SOHLH2: variants seen among roughly 807,000 people sequenced by gnomAD.
The protein encoded by SOHLH2 is spermatogenesis and oogenesis specific basic helix-loop-helix 2.
Under a neutral mutation model 50.4 loss-of-function variants are expected in SOHLH2, and 22 were observed. That is an observed-to-expected ratio of 0.44 (90% CI 0.31 to 0.62). The LOEUF (loss-of-function observed/expected upper bound fraction) is 0.62, where lower values mean the gene tolerates loss of function less well. SOHLH2 is among the 20% of genes least tolerant of loss of function. The pLI is 0.08. For missense variants in SOHLH2, 412 were observed against 504.4 expected (o/e 0.82, Z 1.76); for synonymous variants, 185 against 187.3 (o/e 0.99, Z 0.10).
rs1352790475 is a variant in SOHLH2, at chr13:36,193,614, T to C, written c.430+7A>G. 3 of 1,583,542 alleles carry C rather than the reference T, an allele frequency of 1.9e-6. No individual in the cohort carries two copies. The highest frequency in any genetic ancestry group is 1.4e-5 in the African/African-American group (1 of 72,834). On this transcript the variant is annotated splice_region_variant and intron_variant, in intron 4 of 10. Transcript: ENST00000379881. ...AATTTTGAAACCTTTGGAAATTTTT[T>C]ACTCACCAGTGTTTGAGGGACATGT... is the stretch of plus-strand genomic sequence containing the variant.
intron 1 of SOHLH2, among the ~76,000 whole-genome samples, chr13:36,203,989 C>T (rs59180660): frequency 0.047 from 6,481 of 137,254 alleles, 249 homozygotes; most frequent in African/African-American, 0.1. Flanking sequence ...CTCACTCTGT[C>T]GTCCAGGCTG....
At position 36,201,943 on chromosome 13, in the gene SOHLH2, T is replaced by C. The variant is rs147482560; in HGVS notation, c.199A>G (p.Met67Val). 13 of 1,614,118 alleles carry C rather than the reference T, an allele frequency of 8.1e-6. No individual in the cohort carries two copies. The highest frequency in any genetic ancestry group is 1.1e-5 in the Non-Finnish European group (13 of 1,180,054). ...AALLDDCIFN[M>V]VLLKVPSSLS... ...GAAGAAGGCACCTTCAAGAGAACCA[T>C]GTTGAATATGCAATCATCCAAAAGC... The change falls in exon 2 of 11, where the codon ATG (methionine) becomes GTG (valine). Residue 67 changes from methionine to valine, a missense_variant. Coordinates refer to ENST00000379881, the MANE Select transcript of SOHLH2 (RefSeq NM_017826.3).
At chr13:36,185,410 C>T (rs553113321) in intron 6 of SOHLH2, among the ~76,000 whole-genome samples, 9 of 151,628 alleles carry the variant, frequency 5.9e-5, no homozygotes, top group Non-Finnish European at 1.3e-4. Context: ...GAAGTTGCAG[C>T]GAGCCAAGAT....
At chr13:36,173,610 G>A in intron 9 of SOHLH2, 82 bp downstream of exon 9, 2 of 1,519,170 alleles carry the variant, frequency 1.3e-6, no homozygotes, top group African/African-American at 1.4e-5. Flanking sequence ...CCTGGTTATG[G>A]TGGTGAATGC....
chr13:36,176,847 G>A (rs1040144774), intron 6 of SOHLH2, among the ~76,000 whole-genome samples: 3 of 152,066 alleles, frequency 2.0e-5, no homozygotes, highest in Admixed American at 1.3e-4. Context: ...AAGGTAAGTT[G>A]TAGACATAAG....
intron 6 of SOHLH2, among the ~76,000 whole-genome samples, chr13:36,179,533 C>T (rs1430690284): frequency 1.3e-5 from 2 of 152,108 alleles, no homozygotes; most frequent in East Asian, 1.9e-4. Flanking sequence ...CTCAGCCTCA[C>T]GAGTAGCGGA....
intron 9 of SOHLH2, among the ~76,000 whole-genome samples, chr13:36,171,120 T>A (rs980396524): frequency 6.6e-6 from 1 of 152,196 alleles, no homozygotes. Flanking sequence ...AACAACTCCA[T>A]TCAGCAGAAT....
intron 2 of SOHLH2, among the ~76,000 whole-genome samples, chr13:36,194,342 T>C (rs550696862): frequency 3.0e-4 from 45 of 152,218 alleles, no homozygotes; most frequent in Non-Finnish European, 5.9e-4. Context: ...TAATGGGATA[T>C]TTGACAATAC....
intron 1 of SOHLH2, among the ~76,000 whole-genome samples, chr13:36,208,618 TTAAA>T (rs755513965): frequency 4.7e-4 from 72 of 152,348 alleles, no homozygotes; most frequent in African/African-American, 1.1e-3. Flanking sequence ...CCAATCATTA[TTAAA>T]TATTTACATT....
intron 1 of SOHLH2, among the ~76,000 whole-genome samples, chr13:36,214,040 A>ATT (rs774440035): frequency 4.3e-5 from 6 of 139,620 alleles, no homozygotes; most frequent in Admixed American, 7.1e-5. Flanking sequence ...AAGGGCTAAG[A>ATT]TTTTTTTTTT....
Position 36,182,292 on chromosome 13 carries a change from G to T in SOHLH2, c.642-7423C>A, listed in dbSNP as rs1887279280. On this transcript the variant is annotated intron_variant, in intron 6 of 10. Transcript: ENST00000379881. Reference sequence around the variant, plus strand: ...ACTGCAAACAAGAATCTGAAATTTGGGTTAAAAAGATAAGAGTTAAGATTA... The same window carrying T: ...ACTGCAAACAAGAATCTGAAATTTGTGTTAAAAAGATAAGAGTTAAGATTA... The T allele has an allele frequency of 1.1e-5, 11 of 985,106 alleles. No individual in the cohort carries two copies. The South Asian group carries it at 5.2e-4, about 46-fold the overall frequency. The allele number at this position is 985,106 out of a possible 1,614,324, so 61.0% of individuals were successfully genotyped here. A position where few individuals can be genotyped will look rare whatever the true frequency, so the allele number is the denominator to read the frequency against.
At chr13:36,214,453 C>A in intron 1 of SOHLH2, 26 bp downstream of exon 1, 1 of 1,609,734 alleles carries the variant, frequency 6.2e-7, no homozygotes, top group Non-Finnish European at 8.5e-7. Context: ...ATAAACGCAG[C>A]TGCCTCCCCT....
chr13:36,171,037 G>C (rs958326120), intron 9 of SOHLH2, among the ~76,000 whole-genome samples: 12 of 152,164 alleles, frequency 7.9e-5, no homozygotes, highest in African/African-American at 2.9e-4. Context: ...AGATCCCTGT[G>C]CCTTCTGATG....
At chr13:36,206,992 T>C (rs1470369304) in intron 1 of SOHLH2, among the ~76,000 whole-genome samples, 1 of 151,830 alleles carries the variant, frequency 6.6e-6, no homozygotes, top group Non-Finnish European at 1.5e-5. Flanking sequence ...TGCCCTTTAA[T>C]GTTTTTCACC....
At chr13:36,203,906 A>G (rs1383956773) in intron 1 of SOHLH2, among the ~76,000 whole-genome samples, 1 of 150,070 alleles carries the variant, frequency 6.7e-6, no homozygotes, top group Non-Finnish European at 1.5e-5. Context: ...ATATTAGTCA[A>G]CCACTTTTTT....
At chr13:36,195,708 T>C (rs1887704690) in intron 2 of SOHLH2, among the ~76,000 whole-genome samples, 1 of 152,162 alleles carries the variant, frequency 6.6e-6, no homozygotes, top group Non-Finnish European at 1.5e-5. Flanking sequence ...GAACCTTTGG[T>C]AAAGTTAAAT....
In SOHLH2 at chr13:36,191,857, T is replaced by C. The variant is rs748095751; in HGVS notation, c.468A>G (p.Gly156=). Residue 156 remains glycine, a synonymous_variant, in exon 5 of 11, where the codon GGA becomes GGG. Transcript: ENST00000379881. ...TENATGPEEL[G]LPLQRSYSEH... ...CGCTGTAGGACCTCTGCAGGGGCAA[T>C]CCAAGTTCTTCAGGCCCAGTTGCGT... 3.1e-6 allele frequency: 5 copies of C among 1,613,998 alleles called. No individual in the cohort carries two copies. In the Admixed American group the frequency reaches 8.3e-5, roughly 27 times the overall value.
chr13:36,199,449 C>T (rs1887832665), intron 2 of SOHLH2, among the ~76,000 whole-genome samples: 1 of 152,238 alleles, frequency 6.6e-6, no homozygotes. Flanking sequence ...TACAGCAAGG[C>T]AGATAACACC....
intron 10 of SOHLH2, among the ~76,000 whole-genome samples, chr13:36,169,453 A>G (rs531093995): frequency 1.3e-5 from 2 of 152,274 alleles, no homozygotes; most frequent in South Asian, 4.1e-4. Context: ...GAAGGTCACT[A>G]TTATTCCCAT....
Sources: gnomAD v4.1 joint callset for allele counts (sites outside exome capture counted in the v4.1 genomes callset) on GRCh38, gnomAD v4.1.1 for gene constraint, MANE v1.5 for transcripts, NCBI Gene and HGNC (gene_info 2026-07-23, HGNC 2026-07-21) for gene names.